Variants in PTPRT observed in about 807,000 individuals in gnomAD.
The protein encoded by PTPRT is receptor-type tyrosine-protein phosphatase T.
A neutral mutation model predicts 176.8 loss-of-function variants in PTPRT; 56 were observed. The observed-to-expected ratio is 0.32, with a 90% confidence interval of 0.26 to 0.40. The LOEUF is 0.40. Ranked by LOEUF, PTPRT falls within the 10% of genes least tolerant of loss-of-function variation. The pLI is 1.00. For synonymous variants in PTPRT, 783 were observed against 739.0 expected, an observed-to-expected ratio of 1.06 and a Z score of -0.96; for missense variants, 1,540 against 1,908.2, an observed-to-expected ratio of 0.81 and a Z score of 3.60.
intron 24 of PTPRT, among the ~76,000 whole-genome samples, chr20:42,106,312 G>C (rs931824848): frequency 6.6e-6 from 1 of 152,180 alleles, no homozygotes. Flanking sequence ...GAGGGCAGAG[G>C]CTGTGTGTTA....
At chr20:42,637,836 T>C (rs1007776914) in intron 7 of PTPRT, among the ~76,000 whole-genome samples, 2 of 152,130 alleles carry the variant, frequency 1.3e-5, no homozygotes, top group African/African-American at 2.4e-5. Flanking sequence ...ACTGCAAATA[T>C]ATTAGCCAGC....
intron 16 of PTPRT, among the ~76,000 whole-genome samples, chr20:42,172,257 C>G (rs1990109793): frequency 6.6e-6 from 1 of 152,008 alleles, no homozygotes; most frequent in Non-Finnish European, 1.5e-5. Context: ...GTTAAAGATA[C>G]AGCAGAGGAG....
intron 2 of PTPRT, among the ~76,000 whole-genome samples, chr20:42,865,914 T>C (rs2078738346): frequency 6.6e-6 from 1 of 152,148 alleles, no homozygotes; most frequent in Non-Finnish European, 1.5e-5. Context: ...ACACCCTAGA[T>C]TGTGGCAATG....
At chr20:42,539,680 T>C (rs917823435) in intron 7 of PTPRT, among the ~76,000 whole-genome samples, 1 of 150,124 alleles carries the variant, frequency 6.7e-6, no homozygotes, top group Non-Finnish European at 1.5e-5. Context: ...AAACAAACTA[T>C]TACTAACATC....
intron 1 of PTPRT, among the ~76,000 whole-genome samples, chr20:43,109,345 G>C (rs2012760872): frequency 6.6e-6 from 1 of 152,080 alleles, no homozygotes; most frequent in Non-Finnish European, 1.5e-5. Flanking sequence ...GGGAGTGCGT[G>C]CTTTTCGAAA....
intron 9 of PTPRT, among the ~76,000 whole-genome samples, chr20:42,445,477 T>C (rs572985365): frequency 1.8e-4 from 28 of 152,298 alleles, no homozygotes; most frequent in Admixed American, 1.0e-3. Context: ...TAGGCTCAAA[T>C]GTCACCATCC....
intron 2 of PTPRT, among the ~76,000 whole-genome samples, chr20:42,859,782 C>T (rs1460604966): frequency 6.7e-6 from 1 of 150,334 alleles, no homozygotes; most frequent in African/African-American, 2.5e-5. Flanking sequence ...TTAGTAGAGA[C>T]GGGGTTTCAC....
At chr20:42,347,672 AG>A (rs1483207958) in intron 11 of PTPRT, among the ~76,000 whole-genome samples, 3 of 152,190 alleles carry the variant, frequency 2.0e-5, no homozygotes, top group African/African-American at 7.2e-5. Flanking sequence ...AGTCAGATCA[AG>A]TCTCCCACAT....
intron 7 of PTPRT, among the ~76,000 whole-genome samples, chr20:42,523,153 G>A (rs2072206948): frequency 6.6e-6 from 1 of 152,092 alleles, no homozygotes; most frequent in Admixed American, 6.6e-5. Context: ...CACAGTTTTA[G>A]CTACAATTCT....
Position 42,248,748 on chromosome 20 carries a change from T to C in PTPRT, c.2251A>G (p.Ile751Val), listed in dbSNP as rs775272997. 47 of 1,613,896 alleles carry C rather than the reference T, an allele frequency of 2.9e-5. No homozygotes were observed. The highest frequency in any genetic ancestry group is 3.8e-5 in the Non-Finnish European group (45 of 1,179,956). The change falls in exon 14 of 31, where the codon ATC becomes GTC. Residue 751 changes from isoleucine to valine, a missense_variant. By Grantham distance (29) the Ile-to-Val change is conservative (BLOSUM62 3). This residue lies in a region of PTPRT where 255 missense variants were observed against 250.1 expected (regional missense o/e 1.02). Transcript: ENST00000373187. ...ATGATGAACATGAGGAGGCCAGCGA[T>C]CACGCCAGCCATCTTCACGGTGTTG... ...VDNTVKMAGV[I>V]AGLLMFIIIL...
intron 2 of PTPRT, among the ~76,000 whole-genome samples, chr20:42,809,948 A>G (rs2077673274): frequency 6.6e-6 from 1 of 152,060 alleles, no homozygotes; most frequent in African/African-American, 2.4e-5. Context: ...ACACTGGGTG[A>G]CTCTGTAAAT....
chr20:42,756,013 T>A (rs868469492), intron 6 of PTPRT, among the ~76,000 whole-genome samples: 8 of 152,034 alleles, frequency 5.3e-5, no homozygotes, highest in African/African-American at 1.9e-4. Flanking sequence ...TCAAGGCCAG[T>A]GGGGTGAGGA....
chr20:42,120,098 C>G (rs1403302357), intron 19 of PTPRT, 127 bp from the exon 20 acceptor site: 1 of 767,868 alleles, frequency 1.3e-6, no homozygotes, highest in Non-Finnish European at 2.0e-6. Context: ...ATCAGTTATT[C>G]CCAGAGAAGT....
At chr20:43,098,676 G>A (rs772967183) in intron 1 of PTPRT, among the ~76,000 whole-genome samples, 4 of 151,764 alleles carry the variant, frequency 2.6e-5, no homozygotes, top group Non-Finnish European at 5.9e-5. Context: ...CTGTTGGAAA[G>A]TGACCCCATG....
chr20:43,154,722 G>T (rs1461242553), intron 1 of PTPRT, among the ~76,000 whole-genome samples: 1 of 152,164 alleles, frequency 6.6e-6, no homozygotes, highest in Admixed American at 6.6e-5. Flanking sequence ...GAACTAAAAA[G>T]CTTCTGCATG....
intron 9 of PTPRT, among the ~76,000 whole-genome samples, chr20:42,423,127 T>G (rs1208398472): frequency 7.9e-6 from 1 of 127,026 alleles, no homozygotes; most frequent in Non-Finnish European, 1.6e-5. Context: ...TGAAATAATC[T>G]ACACAATTAG....
At chr20:43,037,434 G>A (rs1014179884) in intron 1 of PTPRT, among the ~76,000 whole-genome samples, 1 of 152,128 alleles carries the variant, frequency 6.6e-6, no homozygotes, top group Non-Finnish European at 1.5e-5. Flanking sequence ...AAGCCTTCAG[G>A]GAACTGATGA....
intron 7 of PTPRT, among the ~76,000 whole-genome samples, chr20:42,565,759 A>G (rs564769878): frequency 6.6e-6 from 1 of 152,104 alleles, no homozygotes; most frequent in African/African-American, 2.4e-5. Flanking sequence ...TTGGTGTGGG[A>G]GCCGGGGCAG....
chr20:43,105,911 T>C (rs2012585558), intron 1 of PTPRT, among the ~76,000 whole-genome samples: 1 of 152,146 alleles, frequency 6.6e-6, no homozygotes, highest in Non-Finnish European at 1.5e-5. Flanking sequence ...CACCCTCAGA[T>C]TAATACACTC....
Sources: gnomAD v4.1 joint callset for allele counts (sites outside exome capture counted in the v4.1 genomes callset) on GRCh38, gnomAD v4.1.1 for gene constraint, gnomAD v4.1.1 regional missense constraint, MANE v1.5 for transcripts, NCBI Gene and HGNC (gene_info 2026-07-23, HGNC 2026-07-21) for gene names.